The following BCL11B variants were observed in gnomAD, a reference collection of about 807,000 sequenced individuals.
BCL11B encodes BCL11 transcription factor B, also known as B-cell lymphoma/leukemia 11B.
In BCL11B, 8 loss-of-function variants were observed where a neutral mutation model predicts 49.9. The observed-to-expected ratio is 0.16, with a 90% CI of 0.09 to 0.29. BCL11B has a LOEUF of 0.29. Ranked by LOEUF, BCL11B falls within the 10% of genes least tolerant of loss-of-function variation. The pLI is 1.00. For synonymous variants in BCL11B, 739 were observed against 637.4 expected (o/e 1.16, Z -2.40); for missense variants, 1,006 against 1,351.0 (o/e 0.74, Z 4.00).
rs1314314373 is a variant in BCL11B, at chr14:99,176,115, G to C, written c.721C>G (p.Gln241Glu). 6.2e-7 allele frequency: 1 copy of C among 1,611,310 alleles called. No individual in the cohort carries two copies. The highest frequency in any genetic ancestry group is 2.2e-5 in the East Asian group (1 of 44,654). ...TAGATGCGGAAGCCGTGCGTGTTCTGCGCGTGCTGCAGCAGGAACCACGCG... is the reference window on the plus strand; with the variant it reads ...TAGATGCGGAAGCCGTGCGTGTTCTCCGCGTGCTGCAGCAGGAACCACGCG... Reference protein sequence around the residue: ...NSAWFLLQHAQNTHGFRIYLE... With the variant: ...NSAWFLLQHAENTHGFRIYLE... Residue 241 changes from glutamine (Q) to glutamate (E), a missense_variant, in exon 4 of 4, where the codon CAG becomes GAG. By Grantham distance (29) the Gln-to-Glu change is conservative. Transcript: ENST00000357195.
chr14:99,241,526 T>C lies in BCL11B; in HGVS notation c.428-9969A>G, dbSNP rs1329156093. Among the ~76,000 whole-genome samples, 1 of 151,652 alleles carries C rather than the reference T, an allele frequency of 6.6e-6. No individual in the cohort carries two copies. Among genetic ancestry groups the C allele is most frequent in the Non-Finnish European group, 1.5e-5 (1 of 67,920 alleles). On this transcript the variant is annotated intron_variant, in intron 2 of 3. Coordinates refer to ENST00000357195, the MANE Select transcript of BCL11B (RefSeq NM_138576.4). The surrounding 1 kb of genome is among the most constrained non-coding windows in gnomAD (Gnocchi z 4.4). ...TCACCAAAATGGCAGAAAAATTAAG[T>C]CTTGGGGCTGAGACGAAGGGAACCT...
At chr14:99,204,888 A>G (rs1334589445) in intron 3 of BCL11B, among the ~76,000 whole-genome samples, 2 of 152,240 alleles carry the variant, frequency 1.3e-5, no homozygotes, top group African/African-American at 4.8e-5. Flanking sequence ...TCATAAATGT[A>G]CACACAATAA....
intron 3 of BCL11B, among the ~76,000 whole-genome samples, chr14:99,181,621 T>C (rs1288907212): frequency 6.6e-6 from 1 of 152,214 alleles, no homozygotes; most frequent in Non-Finnish European, 1.5e-5. Flanking sequence ...ACTGATGATG[T>C]TTGGTTGGAA....
chr14:99,266,088 TA>T lies in BCL11B; in HGVS notation c.58+5072del, dbSNP rs1470014366. 9.2e-5 allele frequency among the ~76,000 whole-genome samples: 14 copies of T among 152,370 alleles called. No homozygotes were observed. In the South Asian group the frequency reaches 1.9e-3, roughly 20 times the overall value. ...TGAAAGATGTGATCAAGACTGGCTC[TA>T]GCAATCACATACTCTTTCCAAACAA... On this transcript the variant is annotated intron_variant, in intron 1 of 3. Transcript: ENST00000357195.
chr14:99,243,835 T>C (rs1461371280), intron 2 of BCL11B, among the ~76,000 whole-genome samples: 1 of 146,148 alleles, frequency 6.8e-6, no homozygotes, highest in African/African-American at 2.5e-5. Flanking sequence ...AGGATCCCTT[T>C]GGCTACCAAT....
intron 3 of BCL11B, among the ~76,000 whole-genome samples, chr14:99,187,375 G>C (rs11623079): frequency 2.4e-3 from 360 of 152,290 alleles, no homozygotes; most frequent in African/African-American, 8.1e-3. Context: ...ATAAGGCACA[G>C]AAATCCACTG....
intron 1 of BCL11B, among the ~76,000 whole-genome samples, chr14:99,266,633 A>C (rs908579926): frequency 9.9e-5 from 15 of 152,204 alleles, no homozygotes; most frequent in African/African-American, 3.6e-4. Context: ...CTTCACACTT[A>C]AGGTATTTTG....
In BCL11B at chr14:99,173,057, C is replaced by T. The variant is rs1712343741; in HGVS notation, c.*1094G>A. The T allele has an allele frequency of 9.1e-6, 2 of 220,972 alleles. No individual in the cohort carries two copies. The highest frequency in any genetic ancestry group is 9.0e-6 in the Non-Finnish European group (1 of 110,682). The allele number at this position is 220,972 out of a possible 1,614,324, so 13.7% of individuals were successfully genotyped here. On this transcript the variant is annotated 3_prime_UTR_variant, in exon 4 of 4. Coordinates refer to ENST00000357195, the MANE Select transcript of BCL11B (RefSeq NM_138576.4). ...AATGATGGATGACCCCTTGTAGCAA[C>T]ATAGGATTTGAGATTTATGTGGTGG...
chr14:99,267,743 AC>A (rs1202181006), intron 1 of BCL11B, among the ~76,000 whole-genome samples: 1 of 152,206 alleles, frequency 6.6e-6, no homozygotes, highest in Non-Finnish European at 1.5e-5. Context: ...TGGAATTAAC[AC>A]AGTTAGCCTA....
chr14:99,233,452 G>A (rs1450257529), intron 2 of BCL11B, among the ~76,000 whole-genome samples: 4 of 152,328 alleles, frequency 2.6e-5, no homozygotes, highest in East Asian at 1.9e-4. Context: ...CATAGTGGGC[G>A]GAAGTCTGAG....
chr14:99,194,427 A>G lies in BCL11B; in HGVS notation c.641-18232T>C, dbSNP rs1186441853. On this transcript the variant is annotated intron_variant, in intron 3 of 3. Coordinates refer to ENST00000357195, the MANE Select transcript of BCL11B (RefSeq NM_138576.4). This position sits in a 1 kb window ranked among gnomAD's most constrained non-coding sequence, Gnocchi z 4.6. ...GGAAGATGCCTGTAGGCATGGCCAG[A>G]GCTCTGTCCTTCTCGGCTTCTGCCC... Among the ~76,000 whole-genome samples, 1 of 152,202 alleles carries G rather than the reference A, an allele frequency of 6.6e-6. No individual in the cohort carries two copies. The highest frequency in any genetic ancestry group is 2.4e-5 in the African/African-American group (1 of 41,436).
At chr14:99,223,421 A>G (rs1252870858) in intron 3 of BCL11B, among the ~76,000 whole-genome samples, 1 of 152,182 alleles carries the variant, frequency 6.6e-6, no homozygotes, top group African/African-American at 2.4e-5. Flanking sequence ...CAGGGGCCAG[A>G]ATTGCTTAGA....
rs956573535 is a variant in BCL11B at position 99,169,786 on chromosome 14, C to T, written c.*4365G>A. 6 of 225,424 alleles carry T rather than the reference C, an allele frequency of 2.7e-5. No homozygotes were observed. In the East Asian group the frequency reaches 3.2e-4, roughly 12 times the overall value. 14.0% of individuals were successfully genotyped at this position (225,424 alleles called of 1,614,324 possible). A position where few individuals can be genotyped will look rare whatever the true frequency, so the allele number is the denominator to read the frequency against. On this transcript the variant is annotated 3_prime_UTR_variant, in exon 4 of 4. Transcript: ENST00000357195. ...CCTTCGGCTGACGGTTACTTAGGAC[C>T]GGGATGAAAGGCTGATTTCCTTACT...
intron 1 of BCL11B, among the ~76,000 whole-genome samples, chr14:99,266,741 C>T (rs1202619450): frequency 1.3e-5 from 2 of 152,248 alleles, no homozygotes; most frequent in Non-Finnish European, 2.9e-5. Flanking sequence ...CTCCCCCTAG[C>T]TGCCAAGTGG....
At chr14:99,218,964 G>T (rs920473006) in intron 3 of BCL11B, among the ~76,000 whole-genome samples, 3 of 152,316 alleles carry the variant, frequency 2.0e-5, no homozygotes, top group Admixed American at 6.5e-5. Flanking sequence ...CAGGGAGCAC[G>T]GCCCTGCCGA....
rs1888353578 is a variant in BCL11B, at chr14:99,232,011, G to C, written c.428-454C>G. On this transcript the variant is annotated intron_variant, in intron 2 of 3. Coordinates refer to ENST00000357195, the MANE Select transcript of BCL11B (RefSeq NM_138576.4). This position sits in a 1 kb window ranked among gnomAD's most constrained non-coding sequence, Gnocchi z 5.1. Reference sequence around the variant, plus strand: ...TCCCCTGTTTGCTGTATCAGGATGGGCTGTTCCTACAGGCCCGGGACACCT... The same window carrying C: ...TCCCCTGTTTGCTGTATCAGGATGGCCTGTTCCTACAGGCCCGGGACACCT... Among the ~76,000 whole-genome samples the C allele has an allele frequency of 6.6e-6, 1 of 152,124 alleles. No individual in the cohort carries two copies. Among genetic ancestry groups the C allele is most frequent in the Non-Finnish European group, 1.5e-5 (1 of 67,998 alleles).
At chr14:99,215,400 TGCTTA>T (rs1199101656) in intron 3 of BCL11B, among the ~76,000 whole-genome samples, 2 of 152,214 alleles carry the variant, frequency 1.3e-5, no homozygotes, top group Non-Finnish European at 2.9e-5. Flanking sequence ...AACGCAAGCT[TGCTTA>T]TTTTCTCCAT....
In BCL11B at chr14:99,170,564, A is replaced by G. The variant is rs960199317; in HGVS notation, c.*3587T>C. 2.6e-5 allele frequency: 6 copies of G among 231,808 alleles called. No homozygotes were observed. The highest frequency in any genetic ancestry group is 5.1e-5 in the Non-Finnish European group (6 of 117,018). 14.4% of individuals were successfully genotyped at this position (231,808 alleles called of 1,614,324 possible). On this transcript the variant is annotated 3_prime_UTR_variant, in exon 4 of 4. Transcript: ENST00000357195. ...CAGACAGGAAGAAAAGAAATTAAAT[A>G]AAAAATGAAAGAAAAAAAAAGGACC...
chr14:99,176,491 A>G (rs991453609), intron 3 of BCL11B, among the ~76,000 whole-genome samples: 7 of 152,214 alleles, frequency 4.6e-5, no homozygotes, highest in Non-Finnish European at 7.3e-5. Context: ...TCTGATCTCC[A>G]TTACCTCCGA....
Sources: gnomAD v4.1 joint callset for allele counts (sites outside exome capture counted in the v4.1 genomes callset) on GRCh38, gnomAD v4.1.1 for gene constraint, Gnocchi (gnomAD v3.1) non-coding constraint, MANE v1.5 for transcripts, NCBI Gene and HGNC (gene_info 2026-07-23, HGNC 2026-07-21) for gene names.